Variants in LEPR observed in about 807,000 individuals in gnomAD.
LEPR encodes OB receptor.
Under a neutral mutation model 114.7 loss-of-function variants are expected in LEPR, and 56 were observed. The observed-to-expected ratio is 0.49, with a 90% confidence interval of 0.39 to 0.61. The LOEUF is 0.61. LEPR is among the 20% of genes least tolerant of loss of function. LEPR has a pLI of 0.00. For missense variants in LEPR, 1,202 were observed against 1,352.9 expected, an observed-to-expected ratio of 0.89 and a Z score of 1.75; for synonymous variants, 443 against 461.4, an observed-to-expected ratio of 0.96 and a Z score of 0.51.
chr1:65,569,862 A>AT (rs967641046), intron 3 of LEPR, among the ~76,000 whole-genome samples: 2 of 151,912 alleles, frequency 1.3e-5, no homozygotes, highest in South Asian at 2.1e-4. Context: ...CTTTTGCATC[A>AT]TTTTTTGTGT....
chr1:65,597,291 C>G (rs1656132331), intron 7 of LEPR, among the ~76,000 whole-genome samples: 1 of 152,096 alleles, frequency 6.6e-6, no homozygotes, highest in South Asian at 2.1e-4. Flanking sequence ...CTCCATATAC[C>G]TATTGTGATG....
intron 2 of LEPR, among the ~76,000 whole-genome samples, chr1:65,429,625 G>A (rs558292338): frequency 6.6e-6 from 1 of 152,204 alleles, no homozygotes; most frequent in Admixed American, 6.5e-5. Context: ...AAAGTTTCTA[G>A]GGTATATATT....
intron 2 of LEPR, among the ~76,000 whole-genome samples, chr1:65,480,659 T>C (rs1423130663): frequency 6.6e-6 from 1 of 152,150 alleles, no homozygotes; most frequent in Non-Finnish European, 1.5e-5. Context: ...TTCCTATTTA[T>C]TTATATATTA....
chr1:65,432,602 G>A (rs1476955709), intron 2 of LEPR: 2 of 982,996 alleles, frequency 2.0e-6, no homozygotes, highest in South Asian at 4.7e-5. Flanking sequence ...CTTTCATGCT[G>A]AGGACAAGTT....
intron 2 of LEPR, among the ~76,000 whole-genome samples, chr1:65,494,623 C>T (rs980750713): frequency 1.3e-5 from 2 of 152,128 alleles, no homozygotes; most frequent in African/African-American, 2.4e-5. Flanking sequence ...CATAATGCTA[C>T]AGAAAAATTT....
chr1:65,618,143 C>T lies in LEPR; in HGVS notation c.2392C>T (p.His798Tyr). 1.9e-6 allele frequency: 3 copies of T among 1,603,366 alleles called. No homozygotes were observed. Among genetic ancestry groups the T allele is most frequent in the Admixed American group, 3.3e-5 (2 of 59,890 alleles). Reference sequence around the variant, plus strand: ...TTCATCTGTTAAGAAGTATTATATCCATGGTAAGTTTACTATACTTTAGTA... The same window carrying T: ...TTCATCTGTTAAGAAGTATTATATCTATGGTAAGTTTACTATACTTTAGTA... The part of the protein sequence containing the change: ...ISSSVKKYYI[H>Y]DHFIPIEKYQ... Residue 798 changes from histidine to tyrosine, a missense_variant, in exon 16 of 20, where the codon CAT becomes TAT. His to Tyr is a moderately conservative substitution (Grantham distance 83, BLOSUM62 2). Transcript: ENST00000349533.
intron 2 of LEPR, among the ~76,000 whole-genome samples, chr1:65,474,110 G>A (rs1045440229): frequency 2.0e-5 from 3 of 152,172 alleles, no homozygotes; most frequent in African/African-American, 7.2e-5. Context: ...CTTCGTATGT[G>A]TGTTTTACAG....
intron 2 of LEPR, among the ~76,000 whole-genome samples, chr1:65,506,211 TC>T (rs889437249): frequency 5.3e-5 from 8 of 152,206 alleles, no homozygotes; most frequent in Non-Finnish European, 1.2e-4. Flanking sequence ...CCAATGGCTG[TC>T]ACAGTAGACA....
At chr1:65,439,167 G>C (rs1477641357) in intron 2 of LEPR, among the ~76,000 whole-genome samples, 1 of 152,116 alleles carries the variant, frequency 6.6e-6, no homozygotes, top group Non-Finnish European at 1.5e-5. Context: ...CAGTGAATTG[G>C]ACTCAGTATT....
At chr1:65,462,640 T>C (rs1285044082) in intron 2 of LEPR, among the ~76,000 whole-genome samples, 1 of 152,238 alleles carries the variant, frequency 6.6e-6, no homozygotes, top group Non-Finnish European at 1.5e-5. Flanking sequence ...TTCCTATTTC[T>C]CCACATCCTT....
In LEPR at chr1:65,571,676, G is replaced by A. The variant is rs2100809110; in HGVS notation, c.371-650G>A. Among the ~76,000 whole-genome samples, 3 of 149,450 alleles carry A rather than the reference G, an allele frequency of 2.0e-5. No homozygotes were observed. The Middle Eastern group carries it at 0.01, about 519-fold the overall frequency. On this transcript the variant is annotated intron_variant, in intron 4 of 19. Transcript: ENST00000349533. ...TGTTAAAAAAAAAAAAAAAAGGCTG[G>A]GCACAGTGGCTTAACTGCCTGCAAT...
intron 2 of LEPR, among the ~76,000 whole-genome samples, chr1:65,554,163 C>G (rs1006718248): frequency 4.6e-5 from 7 of 152,168 alleles, no homozygotes; most frequent in Admixed American, 1.3e-4. Context: ...GGAGGTGTCT[C>G]TCAGTCAAGA....
chr1:65,447,683 C>T (rs1263766470), intron 2 of LEPR, among the ~76,000 whole-genome samples: 1 of 151,914 alleles, frequency 6.6e-6, no homozygotes, highest in Non-Finnish European at 1.5e-5. Flanking sequence ...CAGGTGTGCA[C>T]CACCATACCT....
intron 19 of LEPR, 150 bp from the exon 20 acceptor site, chr1:65,636,041 G>T: frequency 1.2e-6 from 1 of 833,768 alleles, no homozygotes; most frequent in Admixed American, 2.5e-5. Context: ...TATGCTTTTT[G>T]ATATATGTAT....
At chr1:65,479,614 A>G (rs1350519357) in intron 2 of LEPR, among the ~76,000 whole-genome samples, 1 of 152,212 alleles carries the variant, frequency 6.6e-6, no homozygotes, top group African/African-American at 2.4e-5. Context: ...ACAATAAAGA[A>G]AATGGGTTTT....
chr1:65,450,193 C>A (rs1415930216), intron 2 of LEPR, among the ~76,000 whole-genome samples: 2 of 151,940 alleles, frequency 1.3e-5, no homozygotes, highest in African/African-American at 4.8e-5. Flanking sequence ...TCCATGTGAA[C>A]TGGAGAAGAA....
chr1:65,488,442 C>T lies in LEPR; in HGVS notation c.-21+63064C>T, dbSNP rs142842846. Among the ~76,000 whole-genome samples, 791 of 150,818 alleles carry T rather than the reference C, an allele frequency of 5.2e-3. 5 individuals carry two copies. Among genetic ancestry groups the T allele is most frequent in the African/African-American group, 0.019 (759 of 40,938 alleles). On this transcript the variant is annotated intron_variant, in intron 2 of 19. Coordinates refer to ENST00000349533, the MANE Select transcript of LEPR (RefSeq NM_002303.6). Reference sequence around the variant, plus strand: ...AACCTCCTGGGCTGGAGCAATCCTCCCATCTCAGCCTCCCAAGTAGCTGGG... The same window carrying T: ...AACCTCCTGGGCTGGAGCAATCCTCTCATCTCAGCCTCCCAAGTAGCTGGG...
intron 2 of LEPR, chr1:65,431,774 G>C (rs1557585950): frequency 6.2e-7 from 1 of 1,605,026 alleles, no homozygotes; most frequent in South Asian, 1.1e-5. Context: ...AGGAAGTAAG[G>C]ATTTAATCCT....
intron 2 of LEPR, chr1:65,525,977 C>A: frequency 1.3e-6 from 1 of 767,816 alleles, no homozygotes; most frequent in Non-Finnish European, 1.6e-6. Context: ...ACCAGAGGGG[C>A]CAGCGCCCGG....
Sources: allele counts gnomAD v4.1 joint callset (sites outside exome capture counted in the v4.1 genomes callset), GRCh38; gene constraint gnomAD v4.1.1; transcripts MANE v1.5; gene names NCBI Gene and HGNC (gene_info 2026-07-23, HGNC 2026-07-21).